Variants in STARD13 observed in about 807,000 individuals in gnomAD.
STARD13 encodes stAR-related lipid transfer protein 13.
A neutral mutation model predicts 106.4 loss-of-function variants in STARD13; 62 were observed. The observed-to-expected ratio is 0.58, with a 90% confidence interval of 0.48 to 0.72. The LOEUF is 0.72. STARD13 is among the 30% of genes least tolerant of loss of function. The pLI is 0.00. For synonymous variants in STARD13, 565 were observed against 553.0 expected, an observed-to-expected ratio of 1.02 and a Z score of -0.31; for missense variants, 1,387 against 1,424.0, an observed-to-expected ratio of 0.97 and a Z score of 0.42.
chr13:33,309,849 T>C (rs896937181), intron 1 of STARD13, among the ~76,000 whole-genome samples: 4 of 152,146 alleles, frequency 2.6e-5, no homozygotes, highest in South Asian at 2.1e-4. Flanking sequence ...AAGAGAGGGA[T>C]TGGGGATGGG....
chr13:33,164,988 C>T (rs1408427704), intron 3 of STARD13, among the ~76,000 whole-genome samples: 1 of 152,184 alleles, frequency 6.6e-6, no homozygotes, highest in African/African-American at 2.4e-5. Context: ...TCCACACCCC[C>T]AATCACTGTC....
intron 1 of STARD13, among the ~76,000 whole-genome samples, chr13:33,323,157 G>T (rs1893621248): frequency 6.6e-6 from 1 of 152,196 alleles, no homozygotes; most frequent in Non-Finnish European, 1.5e-5. Context: ...TGTGTTAACA[G>T]TGCCTGCCAG....
At chr13:33,357,949 C>T in the STARD13 span, among the ~76,000 whole-genome samples, 1 of 152,320 alleles carries the variant, frequency 6.6e-6, no homozygotes, top group East Asian at 1.9e-4. Flanking sequence ...AGGCTGGAGC[C>T]CACTCCCTCA....
At chr13:33,477,897 G>T in the STARD13 span, among the ~76,000 whole-genome samples, 3 of 152,126 alleles carry the variant, frequency 2.0e-5, no homozygotes, top group African/African-American at 7.2e-5. Context: ...CCTTTCTCAA[G>T]AAACCAACCA....
the STARD13 span, among the ~76,000 whole-genome samples, chr13:33,411,430 A>T: frequency 6.6e-6 from 1 of 152,056 alleles, no homozygotes; most frequent in Admixed American, 6.6e-5. Context: ...GCCTGCTCAA[A>T]TGCATTTCTG....
intron 1 of STARD13, among the ~76,000 whole-genome samples, chr13:33,320,893 C>A (rs1893534525): frequency 6.6e-6 from 1 of 152,154 alleles, no homozygotes; most frequent in Non-Finnish European, 1.5e-5. Context: ...GTCATACCCT[C>A]CCTCTATGCA....
intron 8 of STARD13, among the ~76,000 whole-genome samples, chr13:33,114,490 G>T (rs1875083258): frequency 6.6e-6 from 1 of 152,168 alleles, no homozygotes; most frequent in African/African-American, 2.4e-5. Flanking sequence ...AGATATACCT[G>T]GGGTTTACAG....
the STARD13 span, among the ~76,000 whole-genome samples, chr13:33,452,099 T>G: frequency 2.6e-5 from 4 of 152,166 alleles, no homozygotes; most frequent in Admixed American, 2.0e-4. Flanking sequence ...GATCTCAGTA[T>G]GTTCAGGGCC....
At chr13:33,261,467 T>C (rs932304282) in intron 1 of STARD13, among the ~76,000 whole-genome samples, 1 of 152,206 alleles carries the variant, frequency 6.6e-6, no homozygotes, top group African/African-American at 2.4e-5. Context: ...CACCCACTCA[T>C]ATCATTTATA....
chr13:33,602,876 C>A, the STARD13 span, among the ~76,000 whole-genome samples: 1 of 152,116 alleles, frequency 6.6e-6, no homozygotes. Context: ...TGAAACCATC[C>A]CCCTGGTCCC....
At chr13:33,469,791 G>A in the STARD13 span, among the ~76,000 whole-genome samples, 1 of 151,998 alleles carries the variant, frequency 6.6e-6, no homozygotes, top group Non-Finnish European at 1.5e-5. Flanking sequence ...GTAAGATCCT[G>A]GTCACCTGAT....
chr13:33,397,466 G>A, the STARD13 span, among the ~76,000 whole-genome samples: 1 of 152,206 alleles, frequency 6.6e-6, no homozygotes, highest in Non-Finnish European at 1.5e-5. Flanking sequence ...GTTGCCATGA[G>A]TAATAAAGTC....
intron 1 of STARD13, among the ~76,000 whole-genome samples, chr13:33,203,441 T>C (rs573993693): frequency 1.3e-5 from 2 of 152,378 alleles, no homozygotes; most frequent in East Asian, 3.9e-4. Flanking sequence ...GATTAGCATA[T>C]ATTTATTTGT....
At chr13:33,543,343 A>G in the STARD13 span, among the ~76,000 whole-genome samples, 31 of 152,230 alleles carry the variant, frequency 2.0e-4, no homozygotes, top group African/African-American at 6.5e-4. Flanking sequence ...GCTTTAAAAT[A>G]GGCCATGGAA....
the STARD13 span, among the ~76,000 whole-genome samples, chr13:33,364,616 G>C: frequency 6.6e-6 from 1 of 152,218 alleles, no homozygotes; most frequent in African/African-American, 2.4e-5. Flanking sequence ...GAGGCTGGGC[G>C]CGGTGGCTCA....
chr13:33,136,162 AG>A (rs141981989), intron 4 of STARD13, among the ~76,000 whole-genome samples: 45,102 of 151,850 alleles, frequency 0.3, 7,996 homozygotes, highest in Non-Finnish European at 0.41. Flanking sequence ...TTGCAGTCAA[AG>A]TGCTTGTTCA....
chr13:33,429,986 C>G, the STARD13 span, among the ~76,000 whole-genome samples: 2 of 151,060 alleles, frequency 1.3e-5, no homozygotes, highest in African/African-American at 4.9e-5. Context: ...GGCGCGATCT[C>G]GGCTCACTGC....
At chr13:33,218,468 A>G (rs1594121582) in intron 1 of STARD13, among the ~76,000 whole-genome samples, 2 of 152,150 alleles carry the variant, frequency 1.3e-5, no homozygotes, top group African/African-American at 4.8e-5. Flanking sequence ...CCTATGTCTC[A>G]TTTGCTGACT....
chr13:33,396,541 G>A, the STARD13 span, among the ~76,000 whole-genome samples: 3 of 152,072 alleles, frequency 2.0e-5, no homozygotes, highest in Admixed American at 6.6e-5. Flanking sequence ...CATAGTAAAG[G>A]AAACATTTTT....
Sources: allele counts gnomAD v4.1 joint callset (sites outside exome capture counted in the v4.1 genomes callset), GRCh38; gene constraint gnomAD v4.1.1; transcripts MANE v1.5; gene names NCBI Gene and HGNC (gene_info 2026-07-23, HGNC 2026-07-21).